The following PRCC variants were observed in gnomAD, a reference collection of about 807,000 sequenced individuals.
The protein encoded by PRCC is proline rich mitotic checkpoint control factor, also known as proline-rich protein PRCC.
PRCC carries 10 observed loss-of-function variants against 44.0 expected under a neutral mutation model. The ratio of observed to expected loss-of-function variants is 0.23; its 90% CI spans 0.14 to 0.39. The LOEUF is 0.39. PRCC is among the 10% of genes least tolerant of loss of function. The probability of loss-of-function intolerance (pLI) is 1.00; values close to 1 mark genes in which losing one functional copy is unlikely to be tolerated. For missense variants in PRCC, 573 were observed against 624.7 expected, an observed-to-expected ratio of 0.92 and a Z score of 0.88; for synonymous variants, 278 against 259.5, an observed-to-expected ratio of 1.07 and a Z score of -0.69.
At chr1:156,799,357 T>G (rs10082042) in intron 6 of PRCC, among the ~76,000 whole-genome samples, 54,074 of 152,030 alleles carry the variant, frequency 0.36, 10,779 homozygotes, top group East Asian at 0.73. Flanking sequence ...AAATATTTAT[T>G]AGAAAAAAAC....
chr1:156,780,788 C>T (rs1380043875), intron 1 of PRCC, among the ~76,000 whole-genome samples: 2 of 152,074 alleles, frequency 1.3e-5, no homozygotes, highest in Non-Finnish European at 2.9e-5. Context: ...GACTGGATTG[C>T]AAGATCTTGG....
chr1:156,774,950 C>CAAA (rs35955533), intron 1 of PRCC, among the ~76,000 whole-genome samples: 1 of 105,488 alleles, frequency 9.5e-6, no homozygotes, highest in Non-Finnish European at 1.9e-5. Context: ...GACTCTGTCT[C>CAAA]AAAAAAAAAA....
At chr1:156,772,042 A>G (rs1489269692) in intron 1 of PRCC, among the ~76,000 whole-genome samples, 1 of 152,040 alleles carries the variant, frequency 6.6e-6, no homozygotes, top group Non-Finnish European at 1.5e-5. Flanking sequence ...TATTTTTAGT[A>G]GAGATGGGGT....
At chr1:156,768,345 A>T (rs1651497588) in intron 1 of PRCC, 106 bp downstream of exon 1, 1 of 1,184,920 alleles carries the variant, frequency 8.4e-7, no homozygotes, top group Non-Finnish European at 1.2e-6. Flanking sequence ...GCATCCGTGG[A>T]TTCAAGGCCA....
At chr1:156,787,687 T>C (rs917584259) in intron 3 of PRCC, among the ~76,000 whole-genome samples, 3 of 109,458 alleles carry the variant, frequency 2.7e-5, no homozygotes, top group African/African-American at 9.7e-5. Flanking sequence ...TCTCACTCTG[T>C]TGCCCAGGCT....
intron 3 of PRCC, chr1:156,791,232 A>C (rs1451892034): frequency 8.7e-7 from 1 of 1,146,618 alleles, no homozygotes; most frequent in Non-Finnish European, 1.2e-6. Flanking sequence ...CCCGGTTTAG[A>C]CTGTTTCCCT....
intron 1 of PRCC, among the ~76,000 whole-genome samples, chr1:156,777,397 A>G (rs9330272): frequency 0.84 from 127,666 of 152,174 alleles, 55,059 homozygotes; most frequent in Non-Finnish European, 0.94. Flanking sequence ...TTATTATAAG[A>G]ATTAAATGAA....
intron 1 of PRCC, among the ~76,000 whole-genome samples, chr1:156,768,457 A>T (rs575621166): frequency 6.6e-6 from 1 of 152,226 alleles, no homozygotes; most frequent in Non-Finnish European, 1.5e-5. Context: ...GCTTGCCTGC[A>T]GAAGGCCACA....
At chr1:156,781,527 C>T (rs945106914) in intron 1 of PRCC, among the ~76,000 whole-genome samples, 5 of 152,154 alleles carry the variant, frequency 3.3e-5, no homozygotes, top group African/African-American at 7.2e-5. Context: ...ATATGCCTTG[C>T]GGCTCTCCTT....
rs1011623201 is a variant in PRCC, at chr1:156,794,784, G to A, written c.1299G>A (p.Glu433=). 6.2e-7 allele frequency: 1 copy of A among 1,614,216 alleles called. No homozygotes were observed. Among genetic ancestry groups the A allele is most frequent in the African/African-American group, 1.3e-5 (1 of 75,056 alleles). Residue 433 remains glutamate, a synonymous_variant, in exon 5 of 7, where the codon GAG becomes GAA. Transcript: ENST00000271526. ...GGATGACTAAGTCATTGACAGAAGA[G>A]AAAACCATGAAGTCATTCAGCAAAG... ...QQWMTKSLTE[E]KTMKSFSKKK...
intron 1 of PRCC, among the ~76,000 whole-genome samples, chr1:156,775,775 C>T (rs1372832569): frequency 2.6e-5 from 4 of 152,106 alleles, no homozygotes; most frequent in African/African-American, 9.7e-5. Context: ...TCCCAAAGTG[C>T]TGGGATCACA....
At chr1:156,771,988 AT>A (rs1256189563) in intron 1 of PRCC, among the ~76,000 whole-genome samples, 5 of 152,042 alleles carry the variant, frequency 3.3e-5, no homozygotes, top group Admixed American at 6.5e-5. Context: ...ATATTTATTT[AT>A]TTATTTGTTT....
chr1:156,791,994 T>C (rs556293144), intron 4 of PRCC, among the ~76,000 whole-genome samples: 1 of 149,712 alleles, frequency 6.7e-6, no homozygotes, highest in South Asian at 2.1e-4. Flanking sequence ...AAGAAGGATA[T>C]GGGTAGGCAG....
At chr1:156,798,643 T>G (rs1021590944) in intron 6 of PRCC, among the ~76,000 whole-genome samples, 1 of 151,832 alleles carries the variant, frequency 6.6e-6, no homozygotes, top group African/African-American at 2.4e-5. Flanking sequence ...GATCACGAGG[T>G]CAGGAATTCG....
chr1:156,792,769 G>A (rs1316056784), intron 4 of PRCC, among the ~76,000 whole-genome samples: 1 of 152,138 alleles, frequency 6.6e-6, no homozygotes, highest in Non-Finnish European at 1.5e-5. Flanking sequence ...ATATCTAGTT[G>A]TAAGGGGGTC....
chr1:156,778,390 C>T lies in PRCC; in HGVS notation c.469-3892C>T, dbSNP rs541952929. Among the ~76,000 whole-genome samples, 13 of 152,214 alleles carry T rather than the reference C, an allele frequency of 8.5e-5. No individual in the cohort carries two copies. The South Asian group carries it at 2.7e-3, about 32-fold the overall frequency. Reference sequence around the variant, plus strand: ...TCCTTTTTTAAGGCTGAATATTGTTCCATTGTGTATAAATACCACGTTTTC... The same window carrying T: ...TCCTTTTTTAAGGCTGAATATTGTTTCATTGTGTATAAATACCACGTTTTC... On this transcript the variant is annotated intron_variant, in intron 1 of 6. Coordinates refer to ENST00000271526, the MANE Select transcript of PRCC (RefSeq NM_005973.5).
chr1:156,777,652 ATG>A (rs1165819447), intron 1 of PRCC, among the ~76,000 whole-genome samples: 1 of 152,240 alleles, frequency 6.6e-6, no homozygotes, highest in Non-Finnish European at 1.5e-5. Flanking sequence ...TATGTGAAAA[ATG>A]TAATGTTTAC....
At chr1:156,772,955 T>C (rs1651686818) in intron 1 of PRCC, among the ~76,000 whole-genome samples, 1 of 152,128 alleles carries the variant, frequency 6.6e-6, no homozygotes, top group African/African-American at 2.4e-5. Flanking sequence ...TGGATGAGAT[T>C]TGTTGTGTTT....
chr1:156,787,211 T>A, intron 3 of PRCC, 37 bp downstream of exon 3: 1 of 1,550,826 alleles, frequency 6.4e-7, no homozygotes, highest in Non-Finnish European at 8.7e-7. Context: ...GAGGGAATGT[T>A]GGAACATGGT....
Sources: allele counts gnomAD v4.1 joint callset (sites outside exome capture counted in the v4.1 genomes callset), GRCh38; gene constraint gnomAD v4.1.1; transcripts MANE v1.5; gene names NCBI Gene and HGNC (gene_info 2026-07-23, HGNC 2026-07-21).